CTNNB1: variants seen among roughly 807,000 people sequenced by gnomAD.
CTNNB1 encodes catenin beta 1.
Under a neutral mutation model 82.5 loss-of-function variants are expected in CTNNB1, and 6 were observed. The observed-to-expected ratio is 0.07, with a 90% CI of 0.04 to 0.14. CTNNB1 has a LOEUF of 0.14. CTNNB1 is among the 10% of genes least tolerant of loss of function. CTNNB1 has a pLI of 1.00. For synonymous variants in CTNNB1, 312 were observed against 329.7 expected (o/e 0.95, Z 0.58); for missense variants, 529 against 980.4 (o/e 0.54, Z 6.15).
intron 13 of CTNNB1, chr3:41,236,936 T>C (rs2078450856): frequency 1.6e-6 from 1 of 610,982 alleles, no homozygotes; most frequent in Admixed American, 3.1e-5. Context: ...TTTAAAATTA[T>C]AATTCATAAG....
chr3:41,237,163 C>T (rs1218061804), intron 13 of CTNNB1: 4 of 230,672 alleles, frequency 1.7e-5, no homozygotes, highest in Non-Finnish European at 3.4e-5. Flanking sequence ...AAAACTAGAA[C>T]ATCCTGATAT....
chr3:41,200,551 T>C (rs933139954), intron 1 of CTNNB1, among the ~76,000 whole-genome samples: 12 of 152,220 alleles, frequency 7.9e-5, no homozygotes, highest in Non-Finnish European at 1.5e-5. Context: ...GAGAATTTTG[T>C]TCGTAGAAAT....
At chr3:41,230,955 G>A (rs1322635699) in intron 7 of CTNNB1, among the ~76,000 whole-genome samples, 2 of 152,202 alleles carry the variant, frequency 1.3e-5, no homozygotes, top group Non-Finnish European at 2.9e-5. Flanking sequence ...GAAAGTTTAC[G>A]AATTTGTGTT....
In CTNNB1 at chr3:41,227,081, A is replaced by G. The variant is rs1316648984; in HGVS notation, c.937-127A>G. 2.0e-5 allele frequency: 16 copies of G among 795,336 alleles called. No homozygotes were observed. The East Asian group carries it at 3.8e-4, about 19-fold the overall frequency. 49.3% of individuals were successfully genotyped at this position (795,336 alleles called of 1,614,324 possible). On this transcript the variant is annotated intron_variant, in intron 6 of 14. Transcript: ENST00000349496. ...GGGGTCTGAGTGATGGGGTCCAGGA[A>G]TACATTTAGGTCCAATGGCAAGCTG... is the stretch of plus-strand genomic sequence containing the variant.
chr3:41,236,995 A>T (rs1172942660), intron 13 of CTNNB1: 1 of 573,070 alleles, frequency 1.7e-6, no homozygotes. Flanking sequence ...TTTCAAAAGG[A>T]TGTAAGGAAA....
At chr3:41,206,888 A>G (rs1421140807) in intron 1 of CTNNB1, among the ~76,000 whole-genome samples, 3 of 152,220 alleles carry the variant, frequency 2.0e-5, no homozygotes, top group Non-Finnish European at 4.4e-5. Context: ...AACTTCGCTT[A>G]TACTTTATAG....
chr3:41,210,411 G>A (rs1040907214), intron 1 of CTNNB1, among the ~76,000 whole-genome samples: 4 of 152,038 alleles, frequency 2.6e-5, no homozygotes, highest in Non-Finnish European at 5.9e-5. Context: ...CCGAGATAGC[G>A]CCACTGCACT....
intron 1 of CTNNB1, among the ~76,000 whole-genome samples, chr3:41,204,466 G>A (rs982207195): frequency 6.6e-6 from 1 of 152,176 alleles, no homozygotes; most frequent in Non-Finnish European, 1.5e-5. Context: ...ATATAGGATT[G>A]GTCTTACTAC....
Position 41,225,185 on chromosome 3 carries a change from A to G in CTNNB1, c.473A>G (p.Lys158Arg), listed in dbSNP as rs2125621171. 1 of 1,614,052 alleles carries G rather than the reference A, an allele frequency of 6.2e-7. No homozygotes were observed. The highest frequency in any genetic ancestry group is 8.5e-7 in the Non-Finnish European group (1 of 1,179,982). ...ACACGTGCAATCCCTGAACTGACAA[A>G]ACTGCTAAATGACGAGGACCAGGTA... ...LATRAIPELT[K>R]LLNDEDQVVV... Residue 158 changes from lysine to arginine, a missense_variant, in exon 4 of 15, where the codon AAA becomes AGA. Physicochemically the swap from Lys to Arg is conservative, Grantham distance 26 (BLOSUM62 2). Around this residue, in one of 4 missense-constraint regions of CTNNB1, gnomAD observed 411 missense variants for 776.4 expected, o/e 0.53. Coordinates refer to ENST00000349496, the MANE Select transcript of CTNNB1 (RefSeq NM_001904.4). The surrounding 1 kb of genome is among the most constrained non-coding windows in gnomAD (Gnocchi z 5.3).
intron 6 of CTNNB1, 112 bp from the exon 7 acceptor site, chr3:41,227,096 A>G (rs983734108): frequency 1.1e-6 from 1 of 952,346 alleles, no homozygotes; most frequent in Admixed American, 1.8e-5. Flanking sequence ...TTTAGGTCCA[A>G]TGGCAAGCTG....
rs557137788 is a variant in CTNNB1 at position 41,204,216 on chromosome 3, T to C, written c.-49+4546T>C. Among the ~76,000 whole-genome samples, 4 of 152,264 alleles carry C rather than the reference T, an allele frequency of 2.6e-5. No individual in the cohort carries two copies. The South Asian group carries it at 8.3e-4, about 32-fold the overall frequency. On this transcript the variant is annotated intron_variant, in intron 1 of 14. Coordinates refer to ENST00000349496, the MANE Select transcript of CTNNB1 (RefSeq NM_001904.4). ...AATCAGTGATTTCCAAGTTGGTGCT[T>C]AGTATTTACAGCATTTACTGTCTAT...
Position 41,239,643 on chromosome 3 carries a change from T to G in CTNNB1, c.*301T>G. The G allele has an allele frequency of 2.1e-6, 1 of 471,500 alleles. No individual in the cohort carries two copies. Among genetic ancestry groups the G allele is most frequent in the South Asian group, 2.1e-5 (1 of 47,582 alleles). 29.2% of individuals were successfully genotyped at this position (471,500 alleles called of 1,614,324 possible). Reference sequence around the variant, plus strand: ...GCTGTTTTAAACATTAATAGCAGCCTTTCTCTCTTTATACAGCTGTATTGT... The same window carrying G: ...GCTGTTTTAAACATTAATAGCAGCCGTTCTCTCTTTATACAGCTGTATTGT... On this transcript the variant is annotated 3_prime_UTR_variant, in exon 15 of 15. Transcript: ENST00000349496.
chr3:41,224,438 T>C, intron 2 of CTNNB1, 88 bp from the exon 3 acceptor site: 1 of 1,282,936 alleles, frequency 7.8e-7, no homozygotes, highest in Non-Finnish European at 1.1e-6. Context: ...TCTAAAAATA[T>C]TTCAATGGGT....
intron 1 of CTNNB1, among the ~76,000 whole-genome samples, chr3:41,201,093 TTGTC>T (rs1334780076): frequency 6.6e-6 from 1 of 152,248 alleles, no homozygotes. Flanking sequence ...AAGTTGTAGT[TTGTC>T]TGGAATTTAG....
At chr3:41,208,352 C>T (rs2077697645) in intron 1 of CTNNB1, among the ~76,000 whole-genome samples, 1 of 152,298 alleles carries the variant, frequency 6.6e-6, no homozygotes, top group East Asian at 1.9e-4. Flanking sequence ...TCTCTTAGTT[C>T]CTTGATTTCT....
chr3:41,229,031 T>G (rs575409557), intron 7 of CTNNB1, among the ~76,000 whole-genome samples: 2 of 152,192 alleles, frequency 1.3e-5, no homozygotes, highest in East Asian at 3.9e-4. Flanking sequence ...GCGGCCTAAC[T>G]TCTGGGCTTT....
At chr3:41,237,697 CTTTTT>C (rs548643863) in intron 13 of CTNNB1, 30 of 139,974 alleles carry the variant, frequency 2.1e-4, no homozygotes, top group South Asian at 9.0e-4. Flanking sequence ...GGCATTTTGC[CTTTTT>C]TTTTTTTTTT....
At chr3:41,208,413 C>T (rs547084234) in intron 1 of CTNNB1, among the ~76,000 whole-genome samples, 2 of 152,294 alleles carry the variant, frequency 1.3e-5, no homozygotes, top group South Asian at 2.1e-4. Context: ...TTCCCATTGT[C>T]ATATCCTAGA....
At chr3:41,208,314 G>C (rs1174637560) in intron 1 of CTNNB1, among the ~76,000 whole-genome samples, 1 of 152,120 alleles carries the variant, frequency 6.6e-6, no homozygotes, top group Non-Finnish European at 1.5e-5. Context: ...TACAAATTTT[G>C]ATGTAGAAGA....
Sources: allele counts gnomAD v4.1 joint callset (sites outside exome capture counted in the v4.1 genomes callset), GRCh38; gene constraint gnomAD v4.1.1; regional missense constraint gnomAD v4.1.1; non-coding constraint Gnocchi (gnomAD v3.1); transcripts MANE v1.5; gene names NCBI Gene and HGNC (gene_info 2026-07-23, HGNC 2026-07-21).